IFTAP: variants seen among roughly 807,000 people sequenced by gnomAD.
IFTAP encodes the protein intraflagellar transport-associated protein.
Under a neutral mutation model 19.4 loss-of-function variants are expected in IFTAP, and 19 were observed. The ratio of observed to expected loss-of-function variants is 0.98; its 90% CI spans 0.68 to 1.44. IFTAP has a LOEUF of 1.44. Among genes scored for constraint, IFTAP ranks in the 40% most tolerant of loss-of-function variants. The pLI, the probability that IFTAP is intolerant of heterozygous loss-of-function variation, is 0.00. For missense variants in IFTAP, 240 were observed against 253.6 expected, an observed-to-expected ratio of 0.95 and a Z score of 0.36; for synonymous variants, 85 against 83.5, an observed-to-expected ratio of 1.02 and a Z score of -0.10.
chr11:36,643,699 C>T (rs539565058), intron 4 of IFTAP, among the ~76,000 whole-genome samples: 1 of 152,170 alleles, frequency 6.6e-6, no homozygotes, highest in African/African-American at 2.4e-5. Flanking sequence ...TACCATGCAT[C>T]TACAACCATC....
At chr11:36,620,013 A>G (rs1348994267) in intron 2 of IFTAP, among the ~76,000 whole-genome samples, 3 of 152,054 alleles carry the variant, frequency 2.0e-5, no homozygotes, top group Non-Finnish European at 4.4e-5. Flanking sequence ...ACGTCATATA[A>G]GGACTTGCTA....
chr11:36,642,694 T>G (rs1292585824), intron 4 of IFTAP, among the ~76,000 whole-genome samples: 1 of 152,190 alleles, frequency 6.6e-6, no homozygotes, highest in Non-Finnish European at 1.5e-5. Flanking sequence ...GATGCAAGGC[T>G]GGTTCAACAT....
chr11:36,629,266 G>A (rs1348389428), intron 2 of IFTAP, among the ~76,000 whole-genome samples: 1 of 151,246 alleles, frequency 6.6e-6, no homozygotes, highest in Non-Finnish European at 1.5e-5. Flanking sequence ...CTTGTTATAA[G>A]CATGATTGCT....
At chr11:36,656,032 G>A (rs12295031) in intron 5 of IFTAP, among the ~76,000 whole-genome samples, 1,583 of 152,194 alleles carry the variant, frequency 0.01, 26 homozygotes, top group African/African-American at 0.036. Context: ...TACATCTCTA[G>A]TACCATAAGT....
At chr11:36,639,409 G>A (rs540974921) in intron 4 of IFTAP, among the ~76,000 whole-genome samples, 1 of 152,132 alleles carries the variant, frequency 6.6e-6, no homozygotes, top group Admixed American at 6.5e-5. Context: ...TCATTTTCAG[G>A]TTCTCCAGTA....
intron 3 of IFTAP, among the ~76,000 whole-genome samples, chr11:36,634,166 C>T (rs1852845554): frequency 6.6e-6 from 1 of 152,036 alleles, no homozygotes; most frequent in South Asian, 2.1e-4. Context: ...GAACTTTTTT[C>T]ACTCTTTACT....
At chr11:36,642,786 G>A (rs1036783607) in intron 4 of IFTAP, among the ~76,000 whole-genome samples, 5 of 152,050 alleles carry the variant, frequency 3.3e-5, no homozygotes. Context: ...ATGCAGAAAA[G>A]GCCTTTGACA....
intron 4 of IFTAP, among the ~76,000 whole-genome samples, chr11:36,643,762 T>A (rs1032021820): frequency 3.9e-5 from 6 of 152,164 alleles, no homozygotes; most frequent in African/African-American, 7.2e-5. Flanking sequence ...ATTCCCTATT[T>A]AATAAATGGT....
chr11:36,614,963 C>T (rs1264804044), intron 2 of IFTAP, among the ~76,000 whole-genome samples: 1 of 144,698 alleles, frequency 6.9e-6, no homozygotes, highest in African/African-American at 2.7e-5. Context: ...GTTGCCATTG[C>T]TTTTGGTGTT....
chr11:36,623,825 C>T (rs566204479), intron 2 of IFTAP, among the ~76,000 whole-genome samples: 3 of 151,304 alleles, frequency 2.0e-5, no homozygotes, highest in South Asian at 4.2e-4. Context: ...TTGTATATTT[C>T]GTACACGAAG....
At chr11:36,644,234 G>A (rs201274831) in intron 4 of IFTAP, among the ~76,000 whole-genome samples, 1,662 of 148,570 alleles carry the variant, frequency 0.011, 13 homozygotes, top group Non-Finnish European at 0.015. Context: ...TGCAGCCAAC[G>A]GGCACATGAA....
At chr11:36,603,873 G>C (rs1306897357) in intron 1 of IFTAP, among the ~76,000 whole-genome samples, 1 of 150,848 alleles carries the variant, frequency 6.6e-6, no homozygotes, top group Non-Finnish European at 1.5e-5. Context: ...AGTGAGTAGA[G>C]ATTGCTCCAC....
intron 2 of IFTAP, among the ~76,000 whole-genome samples, chr11:36,632,531 G>A (rs1316683406): frequency 6.6e-6 from 1 of 151,006 alleles, no homozygotes; most frequent in Non-Finnish European, 1.5e-5. Flanking sequence ...TGATATAATT[G>A]TCTTAGTCTC....
At chr11:36,650,441 A>G (rs1234310392) in intron 5 of IFTAP, among the ~76,000 whole-genome samples, 1 of 151,726 alleles carries the variant, frequency 6.6e-6, no homozygotes, top group African/African-American at 2.4e-5. Flanking sequence ...ATATTTTGGT[A>G]CTATATATGT....
chr11:36,652,398 A>T (rs1357766300), intron 5 of IFTAP, among the ~76,000 whole-genome samples: 1 of 152,098 alleles, frequency 6.6e-6, no homozygotes, highest in Non-Finnish European at 1.5e-5. Context: ...TTGCACATTG[A>T]TTTTGTATCC....
intron 5 of IFTAP, among the ~76,000 whole-genome samples, chr11:36,652,023 T>G (rs1853758962): frequency 6.6e-6 from 1 of 152,234 alleles, no homozygotes; most frequent in Non-Finnish European, 1.5e-5. Context: ...TAGGATTGTC[T>G]TGGCAATGCA....
chr11:36,658,350 T>C (rs995721656), intron 5 of IFTAP, among the ~76,000 whole-genome samples: 7 of 152,190 alleles, frequency 4.6e-5, no homozygotes, highest in African/African-American at 1.7e-4. Context: ...TGCCTTCCTT[T>C]AGGAAGTCTT....
At chr11:36,623,172 C>T (rs11033722) in intron 2 of IFTAP, among the ~76,000 whole-genome samples, 6,199 of 152,158 alleles carry the variant, frequency 0.041, 408 homozygotes, top group African/African-American at 0.14. Context: ...CCCCAAGATT[C>T]AGTAGTTCTA....
chr11:36,624,003 A>ATT (rs1457366373), intron 2 of IFTAP, among the ~76,000 whole-genome samples: 5 of 150,242 alleles, frequency 3.3e-5, no homozygotes, highest in African/African-American at 5.0e-5. Flanking sequence ...GTGTATATAT[A>ATT]TATTTTTTTC....
Sources: allele counts gnomAD v4.1 joint callset (sites outside exome capture counted in the v4.1 genomes callset), GRCh38; gene constraint gnomAD v4.1.1; transcripts MANE v1.5; gene names NCBI Gene and HGNC (gene_info 2026-07-23, HGNC 2026-07-21).